The following SCAMP2 variants were observed in gnomAD, a reference collection of about 807,000 sequenced individuals.
The protein encoded by SCAMP2 is secretory carrier membrane protein 2, also known as secretory carrier-associated membrane protein 2.
SCAMP2 carries 25 observed loss-of-function variants against 44.1 expected under a neutral mutation model. That is an observed-to-expected ratio of 0.57 (90% CI 0.41 to 0.79). The LOEUF (loss-of-function observed/expected upper bound fraction) is 0.79, where lower values mean the gene tolerates loss of function less well. Ranked by LOEUF, SCAMP2 falls within the 30% of genes least tolerant of loss-of-function variation. The pLI, the probability that SCAMP2 is intolerant of heterozygous loss-of-function variation, is 0.00. For synonymous variants in SCAMP2, 156 were observed against 166.0 expected (o/e 0.94, Z 0.46); for missense variants, 355 against 411.0 (o/e 0.86, Z 1.18).
intron 1 of SCAMP2, among the ~76,000 whole-genome samples, chr15:74,861,900 C>CAAAAAAAAA (rs71140103): frequency 1.1e-4 from 5 of 44,278 alleles, no homozygotes; most frequent in African/African-American, 2.2e-4. Context: ...GACTCTGTCT[C>CAAAAAAAAA]AAAAAAAAAA....
intron 1 of SCAMP2, among the ~76,000 whole-genome samples, chr15:74,868,479 C>A (rs1189413291): frequency 2.6e-5 from 4 of 152,178 alleles, no homozygotes; most frequent in African/African-American, 9.7e-5. Context: ...TAAAGCTGAG[C>A]CAATGTCTTT....
Position 74,861,981 on chromosome 15 carries a change from C to T in SCAMP2, c.58-7332G>A, listed in dbSNP as rs1265052755. ...TCAATACTAAATTATGGGCCAGGCCCGGTAGCTCATGCCTATAATCCCAAC... is the reference window on the plus strand; with the variant it reads ...TCAATACTAAATTATGGGCCAGGCCTGGTAGCTCATGCCTATAATCCCAAC... On this transcript the variant is annotated intron_variant, in intron 1 of 8. Coordinates refer to ENST00000268099, the MANE Select transcript of SCAMP2 (RefSeq NM_005697.5). Among the ~76,000 whole-genome samples the T allele has an allele frequency of 4.0e-5, 6 of 150,494 alleles. No homozygotes were observed. In the South Asian group the frequency reaches 6.3e-4, roughly 16 times the overall value.
intron 1 of SCAMP2, among the ~76,000 whole-genome samples, chr15:74,861,496 GAAAC>G (rs1178712212): frequency 6.6e-6 from 1 of 152,196 alleles, no homozygotes; most frequent in African/African-American, 2.4e-5. Context: ...AAAAAAGCAC[GAAAC>G]AAACATCCAA....
intron 1 of SCAMP2, among the ~76,000 whole-genome samples, chr15:74,867,451 G>A (rs1441275239): frequency 6.6e-6 from 1 of 152,186 alleles, no homozygotes; most frequent in Non-Finnish European, 1.5e-5. Context: ...CAACCATAAA[G>A]GCAGGAATCC....
intron 4 of SCAMP2, 120 bp from the exon 5 acceptor site, chr15:74,851,601 G>A (rs944557423): frequency 1.6e-6 from 2 of 1,262,140 alleles, no homozygotes; most frequent in Non-Finnish European, 1.1e-6. Context: ...TCCAGCAAGC[G>A]GGGCTTGGAG....
chr15:74,861,219 A>C (rs1378130914), intron 1 of SCAMP2, among the ~76,000 whole-genome samples: 2 of 152,200 alleles, frequency 1.3e-5, no homozygotes, highest in African/African-American at 2.4e-5. Flanking sequence ...TTAAAAATTC[A>C]GGGTCATGCT....
In SCAMP2 at chr15:74,872,798, T is replaced by C. The variant is rs919112318; in HGVS notation, c.57+401A>G. ...CACCAGAGGCTTCACCACCTCCTCA[T>C]ATGTTGCTGTCACCCCCTCTTCTAA... On this transcript the variant is annotated intron_variant, in intron 1 of 8. Coordinates refer to ENST00000268099, the MANE Select transcript of SCAMP2 (RefSeq NM_005697.5). 4.7e-5 allele frequency: 8 copies of C among 168,850 alleles called. No homozygotes were observed. The South Asian group carries it at 6.7e-4, about 14-fold the overall frequency. 10.5% of individuals were successfully genotyped at this position (168,850 alleles called of 1,614,324 possible).
In SCAMP2 at chr15:74,851,462, G is replaced by A. The variant is rs2064435135; in HGVS notation, c.363C>T (p.Pro121=). Residue 121 remains proline (P), a synonymous_variant, in exon 5 of 9, where the codon CCC becomes CCT. Transcript: ENST00000268099. The part of the protein sequence containing the change: ...ANLHVRQNNW[P]PLPSWCPVKP... ...TCACAGGGCACCACGAGGGCAGAGG[G>A]GGCCAGTTGTTCTGTCTCACTGGGT... 1.9e-6 allele frequency: 3 copies of A among 1,613,840 alleles called. No individual in the cohort carries two copies. Among genetic ancestry groups the A allele is most frequent in the Non-Finnish European group, 2.5e-6 (3 of 1,179,850 alleles).
rs757016040 is a variant in SCAMP2, at chr15:74,854,098, G to A, written c.148C>T (p.Pro50Ser). 2.5e-6 allele frequency: 4 copies of A among 1,614,154 alleles called. No individual in the cohort carries two copies. The highest frequency in any genetic ancestry group is 3.4e-6 in the Non-Finnish European group (4 of 1,179,944). Residue 50 changes from proline to serine, a missense_variant, in exon 3 of 9, where the codon CCT becomes TCT. Pro to Ser is a moderately conservative substitution (Grantham distance 74, BLOSUM62 -1). Transcript: ENST00000268099. Reference protein sequence around the residue: ...FSETNAATTVPVTQLPGSSQP... With the variant: ...FSETNAATTVSVTQLPGSSQP... ...GAGGACCCAGGGAGTTGGGTGACAGGAACTGTTGTCGCTGCATTTGTCTAC... is the reference window on the plus strand; with the variant it reads ...GAGGACCCAGGGAGTTGGGTGACAGAAACTGTTGTCGCTGCATTTGTCTAC...
Position 74,867,900 on chromosome 15 carries a change from T to C in SCAMP2, c.57+5299A>G, listed in dbSNP as rs919801841. On this transcript the variant is annotated intron_variant, in intron 1 of 8. Coordinates refer to ENST00000268099, the MANE Select transcript of SCAMP2 (RefSeq NM_005697.5). ...TCAATGCTGTCTGCCTGGGATAATC[T>C]GGCAGAAGTGCTGAGTGGGAAAGCA... is the stretch of plus-strand genomic sequence containing the variant. 5.8e-4 allele frequency among the ~76,000 whole-genome samples: 89 copies of C among 152,374 alleles called. 1 individual carries two copies. The highest frequency in any genetic ancestry group is 2.0e-3 in the African/African-American group (82 of 41,590).
At chr15:74,869,637 T>C (rs1274060107) in intron 1 of SCAMP2, among the ~76,000 whole-genome samples, 1 of 152,210 alleles carries the variant, frequency 6.6e-6, no homozygotes, top group Admixed American at 6.5e-5. Flanking sequence ...ACCATCCTCA[T>C]TGAGGTCTTG....
intron 1 of SCAMP2, among the ~76,000 whole-genome samples, chr15:74,856,669 T>C (rs1451587223): frequency 1.3e-5 from 2 of 151,102 alleles, no homozygotes; most frequent in African/African-American, 4.9e-5. Context: ...TCATAGCTCA[T>C]GGTAGCCTCA....
intron 1 of SCAMP2, among the ~76,000 whole-genome samples, chr15:74,872,118 G>A (rs2064579956): frequency 1.3e-5 from 2 of 149,794 alleles, no homozygotes; most frequent in South Asian, 4.2e-4. Flanking sequence ...CTTGATTGCT[G>A]TTCAAAAGGT....
chr15:74,855,596 A>G (rs890801693), intron 1 of SCAMP2, among the ~76,000 whole-genome samples: 5 of 151,730 alleles, frequency 3.3e-5, no homozygotes, highest in Non-Finnish European at 7.4e-5. Flanking sequence ...CATGCCTGTA[A>G]TCCCAGCTAC....
Position 74,844,661 on chromosome 15 carries a change from T to G in SCAMP2, c.*422A>C, listed in dbSNP as rs959141137. The G allele has an allele frequency of 3.7e-5, 6 of 163,190 alleles. No homozygotes were observed. In the East Asian group the frequency reaches 1.1e-3, roughly 29 times the overall value. The allele number at this position is 163,190 out of a possible 1,614,324, so 10.1% of individuals were successfully genotyped here. A position where few individuals can be genotyped will look rare whatever the true frequency, so the allele number is the denominator to read the frequency against. ...AGCCCAGGCAGGAAGGACTGGGCTG[T>G]GTCTAAGAAGCCAGATTCAGGCCAG... On this transcript the variant is annotated 3_prime_UTR_variant, in exon 9 of 9. Coordinates refer to ENST00000268099, the MANE Select transcript of SCAMP2 (RefSeq NM_005697.5).
chr15:74,853,631 G>T (rs1596416217), intron 3 of SCAMP2: 1 of 364,806 alleles, frequency 2.7e-6, no homozygotes. Flanking sequence ...AGGGACAAAG[G>T]AAGACAGGAA....
intron 1 of SCAMP2, among the ~76,000 whole-genome samples, chr15:74,862,250 G>A (rs530045181): frequency 3.1e-4 from 32 of 102,996 alleles, no homozygotes; most frequent in Non-Finnish European, 4.6e-4. Context: ...GTGACAGAGT[G>A]AGACTCTGTC....
intron 3 of SCAMP2, 81 bp downstream of exon 3, chr15:74,853,940 C>G: frequency 7.9e-7 from 1 of 1,273,702 alleles, no homozygotes; most frequent in Non-Finnish European, 1.1e-6. Context: ...TCTCTGCTTG[C>G]CCCCAGCCTC....
intron 3 of SCAMP2, 24 bp downstream of exon 3, chr15:74,853,997 G>T (rs777552071): frequency 1.3e-6 from 2 of 1,586,924 alleles, no homozygotes; most frequent in South Asian, 1.1e-5. Context: ...GAGAGAAAAG[G>T]CCAGAGTTCT....
Sources: gnomAD v4.1 joint callset for allele counts (sites outside exome capture counted in the v4.1 genomes callset) on GRCh38, gnomAD v4.1.1 for gene constraint, MANE v1.5 for transcripts, NCBI Gene and HGNC (gene_info 2026-07-23, HGNC 2026-07-21) for gene names.